CNTNAP2: variants seen among roughly 807,000 people sequenced by gnomAD.
CNTNAP2 encodes contactin-associated protein-like 2.
Under a neutral mutation model 155.2 loss-of-function variants are expected in CNTNAP2, and 98 were observed. The ratio of observed to expected loss-of-function variants is 0.63; its 90% CI spans 0.54 to 0.75. The LOEUF is 0.75. Ranked by LOEUF, CNTNAP2 falls within the 30% of genes least tolerant of loss-of-function variation. The pLI is 0.00. For synonymous variants in CNTNAP2, 651 were observed against 631.2 expected, an observed-to-expected ratio of 1.03 and a Z score of -0.47; for missense variants, 1,727 against 1,688.1, an observed-to-expected ratio of 1.02 and a Z score of -0.40.
chr7:147,860,606 G>A (rs1563114515), intron 13 of CNTNAP2, among the ~76,000 whole-genome samples: 1 of 130,132 alleles, frequency 7.7e-6, no homozygotes, highest in African/African-American at 2.8e-5. Context: ...AAAAAAAAGT[G>A]TTTGGCAGTT....
intron 3 of CNTNAP2, among the ~76,000 whole-genome samples, chr7:146,930,698 AT>A (rs1169131641): frequency 1.3e-5 from 2 of 152,162 alleles, no homozygotes; most frequent in Admixed American, 1.3e-4. Flanking sequence ...CCCATCTCAC[AT>A]GCAGAGACAC....
At chr7:146,710,370 A>G (rs897515388) in intron 1 of CNTNAP2, among the ~76,000 whole-genome samples, 7 of 152,204 alleles carry the variant, frequency 4.6e-5, no homozygotes, top group African/African-American at 1.4e-4. Context: ...GTATAGGACA[A>G]GAGGCCTGAC....
chr7:147,219,925 A>G (rs980462855), intron 8 of CNTNAP2, among the ~76,000 whole-genome samples: 16 of 144,190 alleles, frequency 1.1e-4, no homozygotes, highest in Non-Finnish European at 2.1e-4. Context: ...ACAGGCACCC[A>G]CCACCACGCC....
intron 1 of CNTNAP2, among the ~76,000 whole-genome samples, chr7:146,413,558 G>T (rs751890624): frequency 6.6e-6 from 1 of 152,192 alleles, no homozygotes; most frequent in African/African-American, 2.4e-5. Flanking sequence ...TTACACATCT[G>T]ATCTGATTTC....
intron 1 of CNTNAP2, among the ~76,000 whole-genome samples, chr7:146,731,741 TTA>T (rs1368258374): frequency 2.6e-5 from 4 of 152,326 alleles, no homozygotes; most frequent in African/African-American, 9.6e-5. Flanking sequence ...TGCCTGGGAT[TTA>T]ATTTCTTTAA....
intron 8 of CNTNAP2, among the ~76,000 whole-genome samples, chr7:147,257,690 C>G (rs1476708631): frequency 6.6e-6 from 1 of 152,170 alleles, no homozygotes; most frequent in Non-Finnish European, 1.5e-5. Context: ...GTCCACAGAT[C>G]AGCATGAGCA....
At position 147,803,009 on chromosome 7, in the gene CNTNAP2, A is replaced by C. The variant is rs1563094957; in HGVS notation, c.2099-100556A>C. Among the ~76,000 whole-genome samples, 5 of 152,296 alleles carry C rather than the reference A, an allele frequency of 3.3e-5. 2 individuals are homozygous for C. The East Asian group carries it at 5.8e-4, about 18-fold the overall frequency. The stretch of plus-strand genomic sequence containing the variant: ...ACCTAATAAACAGACAAAGGAAATG[A>C]TACAAATGGAATAATAATGAACAAG... On this transcript the variant is annotated intron_variant, in intron 13 of 23. Transcript: ENST00000361727.
At chr7:146,885,847 CAAT>C (rs1795645302) in intron 3 of CNTNAP2, among the ~76,000 whole-genome samples, 1 of 151,526 alleles carries the variant, frequency 6.6e-6, no homozygotes. Context: ...CTAAGCATTT[CAAT>C]AATATGTGAG....
chr7:146,347,349 A>G (rs1170894192), intron 1 of CNTNAP2, among the ~76,000 whole-genome samples: 1 of 152,114 alleles, frequency 6.6e-6, no homozygotes, highest in Non-Finnish European at 1.5e-5. Flanking sequence ...CATAAGTCCT[A>G]ACTTCCCTGT....
chr7:146,652,398 T>C (rs901295016), intron 1 of CNTNAP2, among the ~76,000 whole-genome samples: 3 of 152,166 alleles, frequency 2.0e-5, no homozygotes, highest in African/African-American at 7.2e-5. Flanking sequence ...ATTTGCGATG[T>C]GGGCACATTA....
chr7:147,141,218 C>T (rs529635217), intron 8 of CNTNAP2, among the ~76,000 whole-genome samples: 93 of 152,228 alleles, frequency 6.1e-4, no homozygotes, highest in African/African-American at 2.1e-3. Context: ...CTGACACATG[C>T]GAAGATTTAA....
At chr7:147,826,706 A>G (rs1173245846) in intron 13 of CNTNAP2, among the ~76,000 whole-genome samples, 1 of 152,218 alleles carries the variant, frequency 6.6e-6, no homozygotes. Flanking sequence ...CAACAGATAG[A>G]GAACGCTGGG....
rs77576789 is a variant in CNTNAP2, at chr7:147,820,501, G to A, written c.2099-83064G>A. On this transcript the variant is annotated intron_variant, in intron 13 of 23. Transcript: ENST00000361727. ...TTCTTAGTGGTAATATGTCAAAGAG[G>A]AGAAGTCTTTAATTTTGATTAAGTT... Among the ~76,000 whole-genome samples, 1,474 of 152,176 alleles carry A rather than the reference G, an allele frequency of 9.7e-3. 30 individuals carry two copies. Among genetic ancestry groups the A allele is most frequent in the African/African-American group, 0.034 (1,392 of 41,552 alleles).
chr7:146,202,381 G>A (rs1273770428), intron 1 of CNTNAP2, among the ~76,000 whole-genome samples: 1 of 152,082 alleles, frequency 6.6e-6, no homozygotes, highest in Non-Finnish European at 1.5e-5. Context: ...GTCGTCTCTT[G>A]AGTGAATTTC....
intron 1 of CNTNAP2, among the ~76,000 whole-genome samples, chr7:146,590,076 A>G (rs911466004): frequency 6.6e-6 from 1 of 152,144 alleles, no homozygotes; most frequent in Non-Finnish European, 1.5e-5. Context: ...ACAGGTTCAT[A>G]TTAGCTTTCC....
At chr7:146,430,306 T>C (rs1428073332) in intron 1 of CNTNAP2, among the ~76,000 whole-genome samples, 1 of 151,990 alleles carries the variant, frequency 6.6e-6, no homozygotes, top group Non-Finnish European at 1.5e-5. Context: ...AGAAAGTATA[T>C]CTATTTATTT....
chr7:148,390,205 T>G (rs1356990123), intron 22 of CNTNAP2, among the ~76,000 whole-genome samples: 2 of 152,346 alleles, frequency 1.3e-5, no homozygotes, highest in African/African-American at 4.8e-5. Flanking sequence ...TCCGGCCATT[T>G]TATAAGGAAG....
At chr7:148,349,911 A>C (rs999462643) in intron 21 of CNTNAP2, among the ~76,000 whole-genome samples, 3 of 152,200 alleles carry the variant, frequency 2.0e-5, no homozygotes, top group African/African-American at 7.2e-5. Flanking sequence ...GAGGTCATAG[A>C]GGAGGCAGTG....
intron 10 of CNTNAP2, among the ~76,000 whole-genome samples, chr7:147,468,201 T>C (rs954318667): frequency 5.3e-5 from 8 of 152,126 alleles, no homozygotes; most frequent in Non-Finnish European, 1.5e-5. Flanking sequence ...TGAGGCAGGA[T>C]TGCTTGACCC....
Sources: allele counts gnomAD v4.1 joint callset (sites outside exome capture counted in the v4.1 genomes callset), GRCh38; gene constraint gnomAD v4.1.1; transcripts MANE v1.5; gene names NCBI Gene and HGNC (gene_info 2026-07-23, HGNC 2026-07-21).